The following CNTNAP2 variants were observed in gnomAD, a reference collection of about 807,000 sequenced individuals.
CNTNAP2 encodes the protein contactin associated protein 2, also known as contactin-associated protein-like 2.
In CNTNAP2, 98 loss-of-function variants were observed where a neutral mutation model predicts 155.2. That is an observed-to-expected ratio of 0.63 (90% CI 0.54 to 0.75). The LOEUF is 0.75. CNTNAP2 is among the 30% of genes least tolerant of loss of function. The probability of loss-of-function intolerance (pLI) is 0.00; values close to 1 mark genes in which losing one functional copy is unlikely to be tolerated. For missense variants in CNTNAP2, 1,727 were observed against 1,688.1 expected (o/e 1.02, Z -0.40); for synonymous variants, 651 against 631.2 (o/e 1.03, Z -0.47).
intron 1 of CNTNAP2, among the ~76,000 whole-genome samples, chr7:146,282,073 A>G (rs1563020424): frequency 1.3e-5 from 2 of 152,292 alleles, no homozygotes; most frequent in East Asian, 1.9e-4. Context: ...TTATGTTAGC[A>G]TTGCTGTTTG....
intron 21 of CNTNAP2, among the ~76,000 whole-genome samples, chr7:148,355,685 C>T (rs79615114): frequency 0.036 from 5,533 of 152,282 alleles, 103 homozygotes; most frequent in African/African-American, 0.049. Context: ...ATCTCTTGTT[C>T]CCTTGAACTG....
At chr7:146,330,012 CTTTT>C (rs748334732) in intron 1 of CNTNAP2, among the ~76,000 whole-genome samples, 31 of 74,824 alleles carry the variant, frequency 4.1e-4, no homozygotes, top group African/African-American at 2.0e-3. Context: ...CAAGTACTTT[CTTTT>C]TTTTTTTTTT....
chr7:146,218,243 C>T (rs963195827), intron 1 of CNTNAP2, among the ~76,000 whole-genome samples: 14 of 152,324 alleles, frequency 9.2e-5, no homozygotes, highest in South Asian at 4.1e-4. Context: ...GGCGCGGTGG[C>T]TCACGCCTGT....
intron 1 of CNTNAP2, among the ~76,000 whole-genome samples, chr7:146,718,007 A>G (rs1452731974): frequency 2.0e-5 from 3 of 152,126 alleles, no homozygotes; most frequent in East Asian, 1.9e-4. Context: ...CACCTTTAAT[A>G]ACATTATGAT....
At chr7:146,342,614 T>C (rs1200574617) in intron 1 of CNTNAP2, among the ~76,000 whole-genome samples, 1 of 152,168 alleles carries the variant, frequency 6.6e-6, no homozygotes, top group African/African-American at 2.4e-5. Context: ...AAAAAGCATA[T>C]CATTTAATTG....
chr7:146,988,903 C>T (rs73463270), intron 3 of CNTNAP2, among the ~76,000 whole-genome samples: 8 of 152,172 alleles, frequency 5.3e-5, no homozygotes, highest in Non-Finnish European at 7.4e-5. Flanking sequence ...GCTCCCAAAT[C>T]GGAGCCCTGT....
chr7:147,306,089 T>C (rs1795021077), intron 9 of CNTNAP2, among the ~76,000 whole-genome samples: 1 of 152,200 alleles, frequency 6.6e-6, no homozygotes, highest in Admixed American at 6.5e-5. Context: ...GTAAGAACCC[T>C]ATTTCCCAAT....
At chr7:147,651,030 A>C (rs558599320) in intron 13 of CNTNAP2, among the ~76,000 whole-genome samples, 3 of 152,246 alleles carry the variant, frequency 2.0e-5, no homozygotes, top group African/African-American at 7.2e-5. Flanking sequence ...AGGAAAGATG[A>C]GGAAGGCTTA....
At chr7:146,519,198 A>T (rs555582852) in intron 1 of CNTNAP2, among the ~76,000 whole-genome samples, 3 of 151,798 alleles carry the variant, frequency 2.0e-5, no homozygotes, top group African/African-American at 7.3e-5. Flanking sequence ...GTTTGCTGTG[A>T]ATTCTAAATG....
intron 8 of CNTNAP2, among the ~76,000 whole-genome samples, chr7:147,157,089 A>G (rs1190256150): frequency 1.3e-5 from 2 of 151,958 alleles, no homozygotes; most frequent in African/African-American, 4.8e-5. Context: ...AAAACAGAAT[A>G]TTTTCAAGAA....
At chr7:146,716,925 T>C (rs924612495) in intron 1 of CNTNAP2, among the ~76,000 whole-genome samples, 4 of 152,098 alleles carry the variant, frequency 2.6e-5, no homozygotes, top group African/African-American at 7.2e-5. Context: ...TCAGGAAAAT[T>C]AAAATAAATG....
At chr7:148,055,815 C>G (rs1388613017) in intron 15 of CNTNAP2, among the ~76,000 whole-genome samples, 1 of 152,140 alleles carries the variant, frequency 6.6e-6, no homozygotes, top group Non-Finnish European at 1.5e-5. Context: ...TTGTCCTCAC[C>G]ATTCCTATCG....
At chr7:147,073,444 A>C (rs1183487647) in intron 4 of CNTNAP2, among the ~76,000 whole-genome samples, 3 of 152,182 alleles carry the variant, frequency 2.0e-5, no homozygotes, top group African/African-American at 4.8e-5. Context: ...GGATAACTAA[A>C]TAAAGGAGTC....
chr7:147,870,506 T>C (rs1346270765), intron 13 of CNTNAP2, among the ~76,000 whole-genome samples: 2 of 152,144 alleles, frequency 1.3e-5, no homozygotes, highest in Admixed American at 1.3e-4. Context: ...TCATTCACAC[T>C]CCTGCACCAG....
intron 12 of CNTNAP2, among the ~76,000 whole-genome samples, chr7:147,564,836 G>T (rs10279633): frequency 0.45 from 68,016 of 151,936 alleles, 15,429 homozygotes; most frequent in East Asian, 0.61. Context: ...CTTTTTGCAA[G>T]TAGAATTTTT....
chr7:146,374,657 A>T (rs1795281904), intron 1 of CNTNAP2, among the ~76,000 whole-genome samples: 1 of 152,194 alleles, frequency 6.6e-6, no homozygotes, highest in East Asian at 1.9e-4. Context: ...CAGAGGGGAT[A>T]TGGGAAATTA....
At chr7:147,256,721 G>T (rs979273607) in intron 8 of CNTNAP2, among the ~76,000 whole-genome samples, 1 of 152,174 alleles carries the variant, frequency 6.6e-6, no homozygotes, top group African/African-American at 2.4e-5. Flanking sequence ...TGAAGAGATG[G>T]TAAGGGAACC....
chr7:146,515,714 G>A lies in CNTNAP2; in HGVS notation c.98-258557G>A, dbSNP rs75653086. On this transcript the variant is annotated intron_variant, in intron 1 of 23. Transcript: ENST00000361727. ...AATAACTAAATACCTTGACCCCAAT[G>A]GGAATTTGTAGTTCTTATTGTCAGA... Among the ~76,000 whole-genome samples the A allele has an allele frequency of 1.4e-4, 21 of 152,100 alleles. No individual in the cohort carries two copies. The East Asian group carries it at 3.5e-3, about 25-fold the overall frequency.
chr7:146,367,626 T>A (rs1584891846), intron 1 of CNTNAP2, among the ~76,000 whole-genome samples: 1 of 152,168 alleles, frequency 6.6e-6, no homozygotes, highest in South Asian at 2.1e-4. Context: ...TTTTATTGTA[T>A]CAAATTTTTC....
Sources: allele counts gnomAD v4.1 joint callset (sites outside exome capture counted in the v4.1 genomes callset), GRCh38; gene constraint gnomAD v4.1.1; transcripts MANE v1.5; gene names NCBI Gene and HGNC (gene_info 2026-07-23, HGNC 2026-07-21).